Variants in RTN3 observed in about 807,000 individuals in gnomAD.
RTN3 encodes reticulon-3.
A neutral mutation model predicts 77.8 loss-of-function variants in RTN3; 49 were observed. The ratio of observed to expected loss-of-function variants is 0.63; its 90% confidence interval spans 0.50 to 0.80. RTN3 has a LOEUF of 0.80. Ranked by LOEUF, RTN3 falls within the 30% of genes least tolerant of loss-of-function variation. The pLI, the probability that RTN3 is intolerant of heterozygous loss-of-function variation, is 0.00. For synonymous variants in RTN3, 464 were observed against 446.9 expected (o/e 1.04, Z -0.48); for missense variants, 1,236 against 1,211.9 (o/e 1.02, Z -0.29).
At chr11:63,697,722 C>T (rs185295314) in intron 1 of RTN3, among the ~76,000 whole-genome samples, 133 of 152,150 alleles carry the variant, frequency 8.7e-4, no homozygotes, top group Non-Finnish European at 1.7e-3. Flanking sequence ...GTGACCTGCC[C>T]GCCTTGGCCT....
intron 1 of RTN3, among the ~76,000 whole-genome samples, chr11:63,702,463 T>C (rs1217110688): frequency 6.6e-6 from 1 of 150,956 alleles, no homozygotes; most frequent in Non-Finnish European, 1.5e-5. Flanking sequence ...TACAGGCACG[T>C]GCCACCACGC....
At chr11:63,739,530 C>T (rs2013337670) in intron 3 of RTN3, among the ~76,000 whole-genome samples, 1 of 152,150 alleles carries the variant, frequency 6.6e-6, no homozygotes, top group South Asian at 2.1e-4. Flanking sequence ...ATAGCACACC[C>T]AAAGAAAAGG....
intron 3 of RTN3, among the ~76,000 whole-genome samples, chr11:63,733,324 C>T (rs988425729): frequency 6.6e-6 from 1 of 152,060 alleles, no homozygotes; most frequent in African/African-American, 2.4e-5. Flanking sequence ...CCCGTCTCTA[C>T]TAAAAACACA....
In RTN3 at chr11:63,722,132, T is replaced by G. The variant is rs533130; in HGVS notation, c.2530+1100T>G. Among the ~76,000 whole-genome samples the G allele has an allele frequency of 6.6e-3, 1,007 of 152,304 alleles. 11 individuals are homozygous for G. The highest frequency in any genetic ancestry group is 0.023 in the African/African-American group (953 of 41,560). ...AAAAAAAAAGGATCTTTCAAGCCCCTCTACAAGGGACCCCCATCCTTTAAT... is the reference window on the plus strand; with the variant it reads ...AAAAAAAAAGGATCTTTCAAGCCCCGCTACAAGGGACCCCCATCCTTTAAT... On this transcript the variant is annotated intron_variant, in intron 3 of 8. Transcript: ENST00000377819.
intron 3 of RTN3, among the ~76,000 whole-genome samples, chr11:63,746,633 G>T (rs1256954936): frequency 6.6e-6 from 1 of 151,820 alleles, no homozygotes; most frequent in Non-Finnish European, 1.5e-5. Flanking sequence ...TCCTGCCTCA[G>T]CCTCCTGAGT....
chr11:63,692,792 A>G (rs955210885), intron 1 of RTN3, among the ~76,000 whole-genome samples: 2 of 152,124 alleles, frequency 1.3e-5, no homozygotes, highest in African/African-American at 2.4e-5. Context: ...GAAGGAAGGA[A>G]TGCTTTTATA....
chr11:63,685,960 A>G (rs1328519346), intron 1 of RTN3, among the ~76,000 whole-genome samples: 1 of 152,132 alleles, frequency 6.6e-6, no homozygotes. Context: ...ATGCTTAGAG[A>G]TGGGGATCAG....
At chr11:63,725,742 G>A (rs893939233) in intron 3 of RTN3, among the ~76,000 whole-genome samples, 5 of 152,140 alleles carry the variant, frequency 3.3e-5, no homozygotes, top group African/African-American at 9.7e-5. Context: ...ATGAGCCACC[G>A]CGCCCGGCCT....
At chr11:63,735,586 CTCTCTCTCTCTCTCTT>C (rs1163804186) in intron 3 of RTN3, among the ~76,000 whole-genome samples, 20 of 149,292 alleles carry the variant, frequency 1.3e-4, no homozygotes, top group African/African-American at 4.2e-4. Flanking sequence ...CTCTCTCTCT[CTCTCTCTCTCTCTCTT>C]TCTTTCAACC....
At chr11:63,734,689 G>A (rs548277060) in intron 3 of RTN3, among the ~76,000 whole-genome samples, 4 of 150,856 alleles carry the variant, frequency 2.7e-5, no homozygotes, top group African/African-American at 4.9e-5. Context: ...CCGAGTTCAC[G>A]CTACTGCACT....
intron 3 of RTN3, chr11:63,746,989 T>A: frequency 2.2e-6 from 1 of 456,074 alleles, no homozygotes; most frequent in Non-Finnish European, 4.4e-6. Flanking sequence ...CCTGTCTCCT[T>A]ACTCTCCTTT....
intron 4 of RTN3, among the ~76,000 whole-genome samples, chr11:63,751,011 C>T (rs530791280): frequency 3.3e-5 from 5 of 151,996 alleles, no homozygotes; most frequent in East Asian, 1.9e-4. Context: ...GGATTACAGG[C>T]GTGAGCCACC....
chr11:63,730,745 G>A (rs555917147), intron 3 of RTN3, among the ~76,000 whole-genome samples: 1 of 152,310 alleles, frequency 6.6e-6, no homozygotes, highest in South Asian at 2.1e-4. Flanking sequence ...CTTGAGCCCA[G>A]GAGGTGGAGG....
chr11:63,697,345 G>A (rs982561139), intron 1 of RTN3, among the ~76,000 whole-genome samples: 3 of 150,110 alleles, frequency 2.0e-5, no homozygotes, highest in South Asian at 4.2e-4. Context: ...TCACTCTGTC[G>A]CCCAGGCTGG....
At chr11:63,686,724 T>G (rs1428759968) in intron 1 of RTN3, among the ~76,000 whole-genome samples, 1 of 151,766 alleles carries the variant, frequency 6.6e-6, no homozygotes, top group Non-Finnish European at 1.5e-5. Context: ...TCCCAGCCAC[T>G]TAGGAGACTG....
chr11:63,698,163 A>C, intron 1 of RTN3, among the ~76,000 whole-genome samples: 2 of 144,676 alleles, frequency 1.4e-5, no homozygotes, highest in Non-Finnish European at 1.5e-5. Flanking sequence ...ACAGTGTCTC[A>C]CTCTTGCCCA....
chr11:63,747,060 C>T (rs758160109), intron 3 of RTN3: 2 of 455,322 alleles, frequency 4.4e-6, no homozygotes, highest in Non-Finnish European at 8.8e-6. Flanking sequence ...ACACCACTGA[C>T]ATTTTTGAAG....
chr11:63,708,408 C>T (rs766656486), intron 2 of RTN3, among the ~76,000 whole-genome samples: 6 of 152,092 alleles, frequency 3.9e-5, no homozygotes, highest in Non-Finnish European at 7.4e-5. Context: ...AAGCGGTCCT[C>T]CTACCTTGGC....
chr11:63,688,618 G>A (rs756841928), intron 1 of RTN3, among the ~76,000 whole-genome samples: 2 of 152,108 alleles, frequency 1.3e-5, no homozygotes, highest in African/African-American at 2.4e-5. Context: ...CATACATTTA[G>A]TAGGTGCACC....
Sources: allele counts gnomAD v4.1 joint callset (sites outside exome capture counted in the v4.1 genomes callset), GRCh38; gene constraint gnomAD v4.1.1; transcripts MANE v1.5; gene names NCBI Gene and HGNC (gene_info 2026-07-23, HGNC 2026-07-21).